ADAMTS3: variants seen among roughly 807,000 people sequenced by gnomAD.
The protein encoded by ADAMTS3 is ADAM metallopeptidase with thrombospondin type 1 motif 3.
ADAMTS3 carries 73 observed loss-of-function variants against 129.0 expected under a neutral mutation model. The ratio of observed to expected loss-of-function variants is 0.57; its 90% CI spans 0.47 to 0.69. ADAMTS3 has a LOEUF of 0.69. Among genes scored for constraint, ADAMTS3 ranks in the 30% least tolerant of loss-of-function variants. The probability of loss-of-function intolerance (pLI) is 0.00; values close to 1 mark genes in which losing one functional copy is unlikely to be tolerated. For missense variants in ADAMTS3, 1,457 were observed against 1,514.5 expected (o/e 0.96, Z 0.63); for synonymous variants, 477 against 510.8 (o/e 0.93, Z 0.89).
At chr4:72,518,829 CCATTTA>C (rs1185388582) in intron 3 of ADAMTS3, among the ~76,000 whole-genome samples, 3 of 150,848 alleles carry the variant, frequency 2.0e-5, no homozygotes, top group Non-Finnish European at 4.4e-5. Context: ...AGCATTTAGT[CCATTTA>C]CATTTAAAGT....
chr4:72,303,154 G>A (rs1053036452), intron 17 of ADAMTS3, among the ~76,000 whole-genome samples: 2 of 152,066 alleles, frequency 1.3e-5, no homozygotes, highest in Admixed American at 6.6e-5. Context: ...ACTCTCTTCT[G>A]TGCTGCTGAA....
At chr4:72,567,276 AC>A in intron 2 of ADAMTS3, 97 bp downstream of exon 2, 1 of 1,180,254 alleles carries the variant, frequency 8.5e-7, no homozygotes, top group Non-Finnish European at 1.2e-6. Context: ...TTTTTTAACC[AC>A]CAGTGGGAAA....
chr4:72,524,167 G>A (rs578003702), intron 3 of ADAMTS3, among the ~76,000 whole-genome samples: 1 of 152,158 alleles, frequency 6.6e-6, no homozygotes, highest in East Asian at 1.9e-4. Flanking sequence ...GTGGTCTCCT[G>A]AAGTCCTTTC....
At chr4:72,418,346 A>G (rs1722362166) in intron 3 of ADAMTS3, among the ~76,000 whole-genome samples, 2 of 152,266 alleles carry the variant, frequency 1.3e-5, no homozygotes, top group African/African-American at 4.8e-5. Context: ...ATCATATTAA[A>G]TTTGGACAAA....
intron 4 of ADAMTS3, among the ~76,000 whole-genome samples, chr4:72,355,671 T>C (rs530385887): frequency 1.4e-4 from 21 of 152,144 alleles, no homozygotes; most frequent in Non-Finnish European, 2.4e-4. Context: ...AGGCACCATC[T>C]TGGAAGTTGA....
At position 72,309,747 on chromosome 4, in the gene ADAMTS3, G is replaced by T. The variant is rs146690117; in HGVS notation, c.2056-227C>A. On this transcript the variant is annotated intron_variant, in intron 14 of 21. Transcript: ENST00000286657. ...AAGAATATATTTCCTCCAGTCCAAT[G>T]AAATATTTACACCATTTTAAATTGT... 1.6e-4 allele frequency among the ~76,000 whole-genome samples: 24 copies of T among 152,058 alleles called. No homozygotes were observed. The East Asian group carries it at 4.7e-3, about 29-fold the overall frequency.
chr4:72,359,068 G>A (rs542034680), intron 4 of ADAMTS3, among the ~76,000 whole-genome samples: 213 of 152,100 alleles, frequency 1.4e-3, no homozygotes, highest in African/African-American at 4.9e-3. Flanking sequence ...TAAACGATCT[G>A]CAATTTAAAA....
intron 4 of ADAMTS3, among the ~76,000 whole-genome samples, chr4:72,371,878 G>T (rs760002624): frequency 2.0e-5 from 3 of 147,876 alleles, no homozygotes; most frequent in Non-Finnish European, 3.0e-5. Flanking sequence ...TTCATGCTGG[G>T]CCATAAAGCA....
intron 3 of ADAMTS3, among the ~76,000 whole-genome samples, chr4:72,474,757 TG>T (rs1719179685): frequency 6.6e-6 from 1 of 152,190 alleles, no homozygotes; most frequent in Non-Finnish European, 1.5e-5. Flanking sequence ...CCGGGCGCTG[TG>T]GCTCACGCCT....
chr4:72,522,619 A>G (rs760710406), intron 3 of ADAMTS3, among the ~76,000 whole-genome samples: 1 of 152,206 alleles, frequency 6.6e-6, no homozygotes, highest in African/African-American at 2.4e-5. Context: ...CTAACTTTAG[A>G]TTAAACACAG....
chr4:72,492,884 A>C (rs1238333877), intron 3 of ADAMTS3, among the ~76,000 whole-genome samples: 3 of 151,924 alleles, frequency 2.0e-5, no homozygotes, highest in Admixed American at 6.6e-5. Flanking sequence ...ATAAAACATT[A>C]TCTAAATATT....
chr4:72,531,524 G>C (rs1487505249), intron 3 of ADAMTS3, among the ~76,000 whole-genome samples: 1 of 152,142 alleles, frequency 6.6e-6, no homozygotes, highest in East Asian at 1.9e-4. Context: ...ACATGCAGGA[G>C]AGGGTTGGGT....
chr4:72,497,448 T>C (rs1227164135), intron 3 of ADAMTS3, among the ~76,000 whole-genome samples: 2 of 151,794 alleles, frequency 1.3e-5, no homozygotes, highest in Non-Finnish European at 2.9e-5. Context: ...TTCCTATCTA[T>C]TGCTTACATT....
At chr4:72,470,321 A>G (rs13123143) in intron 3 of ADAMTS3, among the ~76,000 whole-genome samples, 144,452 of 148,726 alleles carry the variant, frequency 0.97, 70,320 homozygotes, top group East Asian at 1. Context: ...CTGGAATACC[A>G]TGAGGATTAC....
intron 4 of ADAMTS3, among the ~76,000 whole-genome samples, chr4:72,394,195 T>C (rs900092896): frequency 2.6e-5 from 4 of 152,174 alleles, no homozygotes; most frequent in East Asian, 1.9e-4. Flanking sequence ...ACAGTCACCA[T>C]TGACTGCCCT....
intron 3 of ADAMTS3, among the ~76,000 whole-genome samples, chr4:72,512,348 C>A (rs1720339010): frequency 6.6e-6 from 1 of 151,796 alleles, no homozygotes; most frequent in Non-Finnish European, 1.5e-5. Context: ...AAAAACTAGC[C>A]AGGGATGGTG....
intron 4 of ADAMTS3, among the ~76,000 whole-genome samples, chr4:72,408,733 T>C (rs1578654827): frequency 6.8e-6 from 1 of 147,090 alleles, no homozygotes; most frequent in Admixed American, 6.8e-5. Context: ...GGCTTTAAAA[T>C]GTGGTTAACG....
chr4:72,439,565 T>C (rs943673935), intron 3 of ADAMTS3, among the ~76,000 whole-genome samples: 27 of 151,812 alleles, frequency 1.8e-4, no homozygotes, highest in Middle Eastern at 3.4e-3. Flanking sequence ...AATTCCTAAG[T>C]TTCATTTTTG....
At chr4:72,357,201 A>AT (rs776233544) in intron 4 of ADAMTS3, among the ~76,000 whole-genome samples, 1 of 151,924 alleles carries the variant, frequency 6.6e-6, no homozygotes, top group Non-Finnish European at 1.5e-5. Flanking sequence ...TTTTAAAACC[A>AT]TTTGGCATTA....
Sources: gnomAD v4.1 joint callset for allele counts (sites outside exome capture counted in the v4.1 genomes callset) on GRCh38, gnomAD v4.1.1 for gene constraint, MANE v1.5 for transcripts, NCBI Gene and HGNC (gene_info 2026-07-23, HGNC 2026-07-21) for gene names.